The following LYPLAL1 variants were observed in gnomAD, a reference collection of about 807,000 sequenced individuals.
LYPLAL1 encodes the protein lysophospholipase-like protein 1.
A neutral mutation model predicts 19.7 loss-of-function variants in LYPLAL1; 23 were observed. That is an observed-to-expected ratio of 1.17 (90% CI 0.84 to 1.65). The LOEUF (loss-of-function observed/expected upper bound fraction) is 1.65, where lower values mean the gene tolerates loss of function less well. Among genes scored for constraint, LYPLAL1 ranks in the 40% most tolerant of loss-of-function variants. The probability of loss-of-function intolerance (pLI) is 0.00; values close to 1 mark genes in which losing one functional copy is unlikely to be tolerated. For missense variants in LYPLAL1, 355 were observed against 279.4 expected, an observed-to-expected ratio of 1.27 and a Z score of -1.93; for synonymous variants, 119 against 96.3, an observed-to-expected ratio of 1.24 and a Z score of -1.38.
the LYPLAL1 span, among the ~76,000 whole-genome samples, chr1:219,255,945 T>C: frequency 1.3e-5 from 2 of 151,944 alleles, no homozygotes; most frequent in African/African-American, 4.8e-5. Flanking sequence ...ATATATGATT[T>C]CTTTTATGCA....
the LYPLAL1 span, among the ~76,000 whole-genome samples, chr1:219,268,792 T>G: frequency 1.3e-5 from 2 of 152,228 alleles, no homozygotes; most frequent in Non-Finnish European, 2.9e-5. Flanking sequence ...CTCATCCATT[T>G]AATTCACTCA....
chr1:219,189,853 A>G (rs1558228086), intron 2 of LYPLAL1, among the ~76,000 whole-genome samples: 1 of 151,678 alleles, frequency 6.6e-6, no homozygotes, highest in African/African-American at 2.4e-5. Context: ...CAAGTTTACT[A>G]AATTTTTTGA....
At chr1:219,205,539 CAT>C (rs1658507198) in intron 3 of LYPLAL1, among the ~76,000 whole-genome samples, 2 of 151,978 alleles carry the variant, frequency 1.3e-5, no homozygotes, top group African/African-American at 2.4e-5. Flanking sequence ...TTTAAGAGAA[CAT>C]GTCAAAATTC....
the LYPLAL1 span, among the ~76,000 whole-genome samples, chr1:219,254,724 A>G: frequency 0.45 from 68,138 of 151,656 alleles, 15,941 homozygotes; most frequent in East Asian, 0.66. Context: ...TTTCATTTCA[A>G]CCTTGGAGAA....
intron 3 of LYPLAL1, among the ~76,000 whole-genome samples, chr1:219,197,963 C>CA (rs1049004819): frequency 8.6e-5 from 13 of 151,992 alleles, no homozygotes; most frequent in African/African-American, 2.9e-4. Flanking sequence ...CCATAAACCT[C>CA]AAAAAAAGTC....
chr1:219,232,609 G>GAGAAAATATTTGCCAATC, the LYPLAL1 span, among the ~76,000 whole-genome samples: 10 of 152,234 alleles, frequency 6.6e-5, no homozygotes, highest in South Asian at 2.1e-3. Flanking sequence ...TATGAAATGG[G>GAGAAAATATTTGCCAATC]AGAAAATATT....
chr1:219,231,556 G>A, the LYPLAL1 span, among the ~76,000 whole-genome samples: 10 of 152,066 alleles, frequency 6.6e-5, no homozygotes, highest in Admixed American at 5.9e-4. Flanking sequence ...ATGTATTGAG[G>A]TTTTTCAGAG....
At chr1:219,371,030 T>C in the LYPLAL1 span, among the ~76,000 whole-genome samples, 1 of 152,202 alleles carries the variant, frequency 6.6e-6, no homozygotes, top group Non-Finnish European at 1.5e-5. Context: ...TGATTCTTGG[T>C]CCTATCTGTT....
chr1:219,174,089 A>G (rs1352926667), intron 1 of LYPLAL1, 108 bp downstream of exon 1: 3 of 1,520,854 alleles, frequency 2.0e-6, no homozygotes, highest in African/African-American at 1.4e-5. Flanking sequence ...AATAGGGCCC[A>G]GTGGGTGGCT....
At chr1:219,200,424 G>A (rs1658006174) in intron 3 of LYPLAL1, 1 of 173,504 alleles carries the variant, frequency 5.8e-6, no homozygotes. Context: ...GATGGTTTGA[G>A]GTCAGTTCAT....
chr1:219,387,804 C>T, the LYPLAL1 span, among the ~76,000 whole-genome samples: 10 of 152,148 alleles, frequency 6.6e-5, no homozygotes, highest in African/African-American at 2.2e-4. Context: ...CTTTGTTCTT[C>T]TAACTGTCTA....
chr1:219,346,552 A>C, the LYPLAL1 span, among the ~76,000 whole-genome samples: 1 of 150,908 alleles, frequency 6.6e-6, no homozygotes, highest in African/African-American at 2.4e-5. Flanking sequence ...CTGAGCATCC[A>C]TTTGGCACAC....
At chr1:219,287,371 AT>A in the LYPLAL1 span, among the ~76,000 whole-genome samples, 2 of 152,234 alleles carry the variant, frequency 1.3e-5, no homozygotes, top group Non-Finnish European at 1.5e-5. Flanking sequence ...CCCAGGTAGG[AT>A]TTGAAAAATC....
chr1:219,388,744 G>A, the LYPLAL1 span, among the ~76,000 whole-genome samples: 1 of 152,124 alleles, frequency 6.6e-6, no homozygotes, highest in Non-Finnish European at 1.5e-5. Context: ...AATGTCATTG[G>A]CTTCCCTGCA....
chr1:219,188,273 G>A (rs1308949636), intron 2 of LYPLAL1, among the ~76,000 whole-genome samples: 1 of 151,778 alleles, frequency 6.6e-6, no homozygotes, highest in African/African-American at 2.4e-5. Context: ...GTGATAAATG[G>A]TATTAAGACT....
At chr1:219,187,242 A>C (rs1299206232) in intron 2 of LYPLAL1, among the ~76,000 whole-genome samples, 1 of 151,722 alleles carries the variant, frequency 6.6e-6, no homozygotes, top group Non-Finnish European at 1.5e-5. Flanking sequence ...TACAGCATAT[A>C]AGTGTGTTTT....
the LYPLAL1 span, among the ~76,000 whole-genome samples, chr1:219,302,979 G>A: frequency 6.6e-6 from 1 of 152,076 alleles, no homozygotes; most frequent in Non-Finnish European, 1.5e-5. Flanking sequence ...AGTCCTCCCT[G>A]CATTCCTGCT....
At chr1:219,365,125 G>C in the LYPLAL1 span, among the ~76,000 whole-genome samples, 1 of 152,070 alleles carries the variant, frequency 6.6e-6, no homozygotes, top group Admixed American at 6.6e-5. Context: ...TATGTACAAA[G>C]TGCTAAGATA....
chr1:219,402,676 C>T, the LYPLAL1 span, among the ~76,000 whole-genome samples: 1 of 149,150 alleles, frequency 6.7e-6, no homozygotes, highest in Non-Finnish European at 1.5e-5. Flanking sequence ...GAAAAAATTG[C>T]AATTTTTTAT....
Sources: gnomAD v4.1 joint callset for allele counts (sites outside exome capture counted in the v4.1 genomes callset) on GRCh38, gnomAD v4.1.1 for gene constraint, MANE v1.5 for transcripts, NCBI Gene and HGNC (gene_info 2026-07-23, HGNC 2026-07-21) for gene names.